CCDC12: variants seen among roughly 807,000 people sequenced by gnomAD.
CCDC12 encodes coiled-coil domain containing 12, also known as coiled-coil domain-containing protein 12.
Under a neutral mutation model 25.7 loss-of-function variants are expected in CCDC12, and 28 were observed. The observed-to-expected ratio is 1.09, with a 90% confidence interval of 0.81 to 1.50. The LOEUF is 1.50. Ranked by LOEUF, CCDC12 falls within the 40% of genes most tolerant of loss-of-function variation. The probability of loss-of-function intolerance (pLI) is 0.00; values close to 1 mark genes in which losing one functional copy is unlikely to be tolerated. For synonymous variants in CCDC12, 75 were observed against 87.7 expected (o/e 0.86, Z 0.81); for missense variants, 198 against 210.0 (o/e 0.94, Z 0.35).
chr3:46,937,789 C>T (rs1436863553), intron 2 of CCDC12, among the ~76,000 whole-genome samples: 2 of 152,200 alleles, frequency 1.3e-5, no homozygotes, highest in Admixed American at 6.5e-5. Context: ...TCTAAAGTTA[C>T]GTCCACATAG....
At chr3:46,964,014 C>T (rs1188427945) in intron 1 of CCDC12, among the ~76,000 whole-genome samples, 2 of 151,426 alleles carry the variant, frequency 1.3e-5, no homozygotes, top group Non-Finnish European at 2.9e-5. Context: ...AAGTGAGGAG[C>T]GTCTCTGCCC....
chr3:46,930,941 C>T (rs758767809), intron 2 of CCDC12, among the ~76,000 whole-genome samples: 2 of 152,200 alleles, frequency 1.3e-5, no homozygotes, highest in African/African-American at 2.4e-5. Flanking sequence ...GCCCTAAATG[C>T]ACCAGGCAGC....
chr3:46,941,926 C>A (rs918457052), intron 1 of CCDC12, among the ~76,000 whole-genome samples: 1 of 152,194 alleles, frequency 6.6e-6, no homozygotes, highest in Non-Finnish European at 1.5e-5. Context: ...CTGCCTAGGC[C>A]TATGCTATAT....
In CCDC12 at chr3:46,957,996, C is replaced by CACACACACACACACACAT. The variant is rs113627328; in HGVS notation, c.97-16932_97-16931insATGTGTGTGTGTGTGTGT. ...ACACACACACACACACACACACACA[C>CACACACACACACACACAT]ATATATATGTAAAGCTAATAGAACC... On this transcript the variant is annotated intron_variant, in intron 1 of 6. Coordinates refer to ENST00000683445, the MANE Select transcript of CCDC12 (RefSeq NM_001277074.2). Among the ~76,000 whole-genome samples, 947 of 142,606 alleles carry CACACACACACACACACAT rather than the reference C, an allele frequency of 6.6e-3. 22 individuals carry two copies. The highest frequency in any genetic ancestry group is 0.032 in the East Asian group (154 of 4,776). The allele number at this position is 142,606 out of a possible 152,430, so 93.6% of individuals were successfully genotyped here.
chr3:46,941,122 C>A, intron 1 of CCDC12, 57 bp from the exon 2 acceptor site: 1 of 1,561,064 alleles, frequency 6.4e-7, no homozygotes, highest in East Asian at 2.2e-5. Flanking sequence ...TTCCAGTCCA[C>A]GTGGCCCAGG....
At chr3:46,967,106 T>C (rs1051281823) in intron 1 of CCDC12, among the ~76,000 whole-genome samples, 15 of 152,184 alleles carry the variant, frequency 9.9e-5, no homozygotes, top group African/African-American at 3.4e-4. Flanking sequence ...TGCCTGCTTA[T>C]GTCTCTCTTC....
At chr3:46,941,171 G>A in intron 1 of CCDC12, 106 bp from the exon 2 acceptor site, 2 of 1,026,194 alleles carry the variant, frequency 1.9e-6, no homozygotes, top group Admixed American at 3.4e-5. Flanking sequence ...GGGGCACCTG[G>A]CAGGGCCCAG....
chr3:46,977,106 A>C, upstream of CCDC12: 1 of 232,354 alleles, frequency 4.3e-6, no homozygotes, highest in Non-Finnish European at 8.6e-6. Context: ...CACACTAATC[A>C]CTCCATGCTG....
intron 1 of CCDC12, among the ~76,000 whole-genome samples, chr3:46,967,449 A>C (rs2034675069): frequency 1.3e-5 from 2 of 149,278 alleles, no homozygotes; most frequent in South Asian, 2.1e-4. Context: ...CTCTACTCCT[A>C]CTCCTCAAAC....
intron 1 of CCDC12, among the ~76,000 whole-genome samples, chr3:46,955,799 C>T (rs368181153): frequency 7.9e-5 from 12 of 152,242 alleles, no homozygotes; most frequent in African/African-American, 2.7e-4. Flanking sequence ...CACCTTCTCA[C>T]CCCAAGGACA....
intron 1 of CCDC12, 127 bp from the exon 2 acceptor site, chr3:46,941,192 C>A: frequency 1.3e-6 from 1 of 799,508 alleles, no homozygotes; most frequent in Non-Finnish European, 2.2e-6. Context: ...CTTGGTGTCC[C>A]AGACTCCAAC....
intron 1 of CCDC12, among the ~76,000 whole-genome samples, chr3:46,964,339 A>T (rs1293280849): frequency 1.4e-5 from 2 of 141,336 alleles, no homozygotes; most frequent in Non-Finnish European, 3.1e-5. Context: ...GTGGGGGGTC[A>T]GCCCCCGCCC....
rs1364858667 is a variant in CCDC12 at position 46,921,837 on chromosome 3, C to A, written c.*220G>T. 8.4e-6 allele frequency: 5 copies of A among 596,344 alleles called. No homozygotes were observed. The highest frequency in any genetic ancestry group is 1.5e-5 in the Non-Finnish European group (5 of 334,234). The allele number at this position is 596,344 out of a possible 1,614,324, so 36.9% of individuals were successfully genotyped here. A position where few individuals can be genotyped will look rare whatever the true frequency, so the allele number is the denominator to read the frequency against. On this transcript the variant is annotated 3_prime_UTR_variant, in exon 7 of 7. Coordinates refer to ENST00000683445, the MANE Select transcript of CCDC12 (RefSeq NM_001277074.2). Reference sequence around the variant, plus strand: ...GTACATCCACATGTGCAGACACAGGCACGCCCAGAGTTGTTGCTGGTTCTG... The same window carrying A: ...GTACATCCACATGTGCAGACACAGGAACGCCCAGAGTTGTTGCTGGTTCTG...
intron 1 of CCDC12, among the ~76,000 whole-genome samples, chr3:46,968,770 G>A (rs911931133): frequency 6.6e-6 from 1 of 152,192 alleles, no homozygotes; most frequent in African/African-American, 2.4e-5. Context: ...ACCTGGGGGT[G>A]AGAGGTGTAG....
chr3:46,955,979 G>A (rs1035933567), intron 1 of CCDC12, among the ~76,000 whole-genome samples: 1 of 152,214 alleles, frequency 6.6e-6, no homozygotes, highest in African/African-American at 2.4e-5. Context: ...AAATGACCAG[G>A]TTCAGAACAA....
intron 1 of CCDC12, among the ~76,000 whole-genome samples, chr3:46,950,821 A>G (rs568475089): frequency 6.6e-5 from 10 of 150,902 alleles, no homozygotes; most frequent in African/African-American, 2.2e-4. Context: ...TCAGGCTTCA[A>G]AAAAAAAAGA....
chr3:46,936,768 TG>T (rs1373556735), intron 2 of CCDC12, among the ~76,000 whole-genome samples: 1 of 152,140 alleles, frequency 6.6e-6, no homozygotes, highest in Non-Finnish European at 1.5e-5. Context: ...CATCAATATA[TG>T]GAACTGACCA....
At chr3:46,923,806 C>G (rs2032816784) in intron 3 of CCDC12, 138 bp from the exon 4 acceptor site, 3 of 647,052 alleles carry the variant, frequency 4.6e-6, no homozygotes, top group African/African-American at 1.9e-5. Flanking sequence ...CGCAACCAGC[C>G]AGAGGTGAAG....
intron 1 of CCDC12, among the ~76,000 whole-genome samples, chr3:46,954,859 G>A (rs1380078157): frequency 2.6e-5 from 4 of 152,038 alleles, no homozygotes; most frequent in African/African-American, 9.7e-5. Flanking sequence ...GAAGGAGGAG[G>A]TTGCAGTGAG....
Sources: allele counts gnomAD v4.1 joint callset (sites outside exome capture counted in the v4.1 genomes callset), GRCh38; gene constraint gnomAD v4.1.1; transcripts MANE v1.5; gene names NCBI Gene and HGNC (gene_info 2026-07-23, HGNC 2026-07-21).